The following CADM2 variants were observed in gnomAD, a reference collection of about 807,000 sequenced individuals.
CADM2 encodes the protein immunoglobulin superfamily member 4D.
A neutral mutation model predicts 49.8 loss-of-function variants in CADM2; 12 were observed. The ratio of observed to expected loss-of-function variants is 0.24; its 90% CI spans 0.15 to 0.39. The LOEUF (loss-of-function observed/expected upper bound fraction) is 0.39, where lower values mean the gene tolerates loss of function less well. Among genes scored for constraint, CADM2 ranks in the 10% least tolerant of loss-of-function variants. The pLI is 1.00. For missense variants in CADM2, 378 were observed against 492.3 expected (o/e 0.77, Z 2.20); for synonymous variants, 214 against 175.4 (o/e 1.22, Z -1.74).
At chr3:85,313,955 A>T (rs2044403917) in intron 1 of CADM2, among the ~76,000 whole-genome samples, 1 of 152,150 alleles carries the variant, frequency 6.6e-6, no homozygotes, top group Admixed American at 6.5e-5. Context: ...CAGTCGTGCG[A>T]TCTCGACTCA....
chr3:85,987,536 C>A (rs1577872437), intron 8 of CADM2, among the ~76,000 whole-genome samples: 1 of 148,716 alleles, frequency 6.7e-6, no homozygotes, highest in African/African-American at 2.4e-5. Context: ...AAAAGTTCCC[C>A]AGTATAAACC....
At chr3:85,832,022 G>A (rs2074210854) in intron 3 of CADM2, among the ~76,000 whole-genome samples, 1 of 151,850 alleles carries the variant, frequency 6.6e-6, no homozygotes, top group Non-Finnish European at 1.5e-5. Context: ...TGAAAGGTAG[G>A]GGTTCAGTTT....
chr3:85,699,704 T>C (rs1279547296), intron 1 of CADM2, among the ~76,000 whole-genome samples: 1 of 152,226 alleles, frequency 6.6e-6, no homozygotes, highest in Non-Finnish European at 1.5e-5. Context: ...GAAACCATTT[T>C]TCCCCCCTAG....
At chr3:85,320,933 T>A (rs955015900) in intron 1 of CADM2, among the ~76,000 whole-genome samples, 4 of 149,998 alleles carry the variant, frequency 2.7e-5, no homozygotes, top group Non-Finnish European at 5.9e-5. Flanking sequence ...TCTGTTAGAT[T>A]TTTTTTTAAA....
At chr3:85,310,173 T>C (rs1392375485) in intron 1 of CADM2, among the ~76,000 whole-genome samples, 7 of 152,198 alleles carry the variant, frequency 4.6e-5, no homozygotes, top group Non-Finnish European at 2.9e-5. Context: ...AACGAATACA[T>C]TTATTCTTCT....
chr3:85,206,614 G>A (rs2107758185), intron 1 of CADM2, among the ~76,000 whole-genome samples: 1 of 152,008 alleles, frequency 6.6e-6, no homozygotes, highest in South Asian at 2.1e-4. Context: ...GCCGAATTTA[G>A]GTCATTCTAT....
chr3:85,558,361 A>T (rs539855678), intron 1 of CADM2, among the ~76,000 whole-genome samples: 1 of 152,038 alleles, frequency 6.6e-6, no homozygotes, highest in Non-Finnish European at 1.5e-5. Flanking sequence ...TTATTTGGGA[A>T]GTAGAAAATA....
intron 1 of CADM2, among the ~76,000 whole-genome samples, chr3:85,677,735 A>G (rs1418431638): frequency 6.6e-6 from 1 of 152,200 alleles, no homozygotes; most frequent in African/African-American, 2.4e-5. Context: ...TAAAGAGTTG[A>G]TGCTTGCATA....
chr3:85,076,327 G>GTGTGTGTGTA (rs2036941490), intron 1 of CADM2, among the ~76,000 whole-genome samples: 2 of 151,552 alleles, frequency 1.3e-5, no homozygotes, highest in Admixed American at 6.6e-5. Context: ...GTGTGTGTGT[G>GTGTGTGTGTA]TGTGTGTGTG....
intron 1 of CADM2, among the ~76,000 whole-genome samples, chr3:85,203,790 A>G (rs1201210739): frequency 6.6e-6 from 1 of 152,198 alleles, no homozygotes; most frequent in East Asian, 1.9e-4. Flanking sequence ...TCTATAACAT[A>G]TTAGCTTGTA....
At chr3:85,341,290 G>T (rs542969022) in intron 1 of CADM2, among the ~76,000 whole-genome samples, 1 of 151,772 alleles carries the variant, frequency 6.6e-6, no homozygotes, top group South Asian at 2.1e-4. Context: ...AGGAGGAAAT[G>T]AAATGCATTT....
At chr3:85,148,534 T>G (rs1485450010) in intron 1 of CADM2, among the ~76,000 whole-genome samples, 2 of 152,198 alleles carry the variant, frequency 1.3e-5, no homozygotes, top group African/African-American at 4.8e-5. Flanking sequence ...AAATTTATAG[T>G]ATCCTGAATG....
At chr3:85,878,728 A>G (rs181403955) in intron 3 of CADM2, among the ~76,000 whole-genome samples, 12 of 152,226 alleles carry the variant, frequency 7.9e-5, no homozygotes, top group Admixed American at 7.2e-4. Flanking sequence ...TTTAAATATG[A>G]AAGTCTTATA....
intron 3 of CADM2, among the ~76,000 whole-genome samples, chr3:85,857,832 G>A (rs1367675605): frequency 6.6e-6 from 1 of 152,120 alleles, no homozygotes; most frequent in African/African-American, 2.4e-5. Flanking sequence ...ACCACCATCA[G>A]CAGTGCAGAT....
intron 1 of CADM2, among the ~76,000 whole-genome samples, chr3:85,320,051 C>G (rs1447083419): frequency 6.6e-6 from 1 of 152,148 alleles, no homozygotes; most frequent in African/African-American, 2.4e-5. Context: ...GTTTATATAA[C>G]TAAAATGATT....
At chr3:85,537,165 C>T (rs918231248) in intron 1 of CADM2, among the ~76,000 whole-genome samples, 10 of 151,962 alleles carry the variant, frequency 6.6e-5, no homozygotes, top group African/African-American at 1.7e-4. Flanking sequence ...TTCTCAGAAT[C>T]GATCATGTTT....
chr3:85,543,453 TG>T (rs2061597584), intron 1 of CADM2, among the ~76,000 whole-genome samples: 1 of 151,056 alleles, frequency 6.6e-6, no homozygotes, highest in East Asian at 1.9e-4. Context: ...TGTGTGTGTG[TG>T]TGTATTTTTA....
intron 1 of CADM2, among the ~76,000 whole-genome samples, chr3:85,609,188 T>G (rs79188076): frequency 0.017 from 2,548 of 152,120 alleles, 26 homozygotes; most frequent in Middle Eastern, 0.048. Flanking sequence ...TGCTCCAGAT[T>G]CTCATGAGTG....
chr3:85,121,302 G>GT (rs776714588), intron 1 of CADM2, among the ~76,000 whole-genome samples: 42 of 152,188 alleles, frequency 2.8e-4, no homozygotes, highest in Non-Finnish European at 4.8e-4. Flanking sequence ...ATAGTTAGCA[G>GT]TGAAACTGAA....
Sources: gnomAD v4.1 joint callset for allele counts (sites outside exome capture counted in the v4.1 genomes callset) on GRCh38, gnomAD v4.1.1 for gene constraint, MANE v1.5 for transcripts, NCBI Gene and HGNC (gene_info 2026-07-23, HGNC 2026-07-21) for gene names.